Variants in IGFL2 observed in about 807,000 individuals in gnomAD.
IGFL2 encodes insulin growth factor-like family member 2.
Under a neutral mutation model 13.9 loss-of-function variants are expected in IGFL2, and 7 were observed. The observed-to-expected ratio is 0.51, with a 90% CI of 0.29 to 0.95. The LOEUF (loss-of-function observed/expected upper bound fraction) is 0.95. Among genes scored for constraint, IGFL2 ranks in the 40% least tolerant of loss-of-function variants. The probability of loss-of-function intolerance (pLI) is 0.08; values close to 1 mark genes in which losing one functional copy is unlikely to be tolerated. For synonymous variants in IGFL2, 55 were observed against 55.8 expected (o/e 0.99, Z 0.07); for missense variants, 138 against 147.8 (o/e 0.93, Z 0.34).
downstream of IGFL2, chr19:46,161,318 C>CTTT (rs71175262): frequency 1.2e-3 from 284 of 238,934 alleles, no homozygotes; most frequent in South Asian, 3.4e-3. Flanking sequence ...CGTCTCCTTT[C>CTTT]TTTTTTTTTT....
the IGFL2 span, among the ~76,000 whole-genome samples, chr19:46,091,464 A>G: frequency 2.6e-5 from 4 of 152,218 alleles, no homozygotes; most frequent in African/African-American, 7.2e-5. Context: ...AACTTTAATC[A>G]GTATACAAAT....
chr19:46,170,660 C>T, the IGFL2 span, among the ~76,000 whole-genome samples: 1 of 152,142 alleles, frequency 6.6e-6, no homozygotes. Context: ...TAATAATTAA[C>T]AGCCCTGGGA....
the IGFL2 span, chr19:46,181,442 C>T: frequency 6.6e-6 from 1 of 152,224 alleles, no homozygotes; most frequent in African/African-American, 2.4e-5. Context: ...TAAGTTGCTT[C>T]CTGCCCCAGA....
intron 1 of IGFL2, chr19:46,149,176 T>TC (rs1973317370): frequency 6.2e-6 from 4 of 647,240 alleles, no homozygotes; most frequent in South Asian, 5.3e-5. Context: ...TCTCTCTCTC[T>TC]TCTCTCTCTC....
At chr19:46,120,194 C>G in the IGFL2 span, 1 of 1,291,138 alleles carries the variant, frequency 7.7e-7, no homozygotes, top group East Asian at 2.8e-5. Flanking sequence ...AGCTGGGCTC[C>G]TCTCCAAAGC....
the IGFL2 span, among the ~76,000 whole-genome samples, chr19:46,185,863 G>T: frequency 6.6e-6 from 1 of 152,076 alleles, no homozygotes; most frequent in South Asian, 2.1e-4. Flanking sequence ...GCCTCCCAAG[G>T]TCATGTACAT....
At chr19:46,123,974 C>G in the IGFL2 span, 1 of 1,611,462 alleles carries the variant, frequency 6.2e-7, no homozygotes, top group South Asian at 1.1e-5. Context: ...TGCTGGGGGC[C>G]AAAAGACTCG....
At chr19:46,101,478 C>A in the IGFL2 span, among the ~76,000 whole-genome samples, 1 of 152,150 alleles carries the variant, frequency 6.6e-6, no homozygotes, top group Non-Finnish European at 1.5e-5. Context: ...GGTCAGGGTC[C>A]AGCCTAAAGA....
chr19:46,183,971 T>G, the IGFL2 span, among the ~76,000 whole-genome samples: 1 of 152,234 alleles, frequency 6.6e-6, no homozygotes, highest in African/African-American at 2.4e-5. Context: ...TTGCATCGGT[T>G]TTTGCCCCCA....
chr19:46,202,779 A>T, the IGFL2 span: 1 of 152,228 alleles, frequency 6.6e-6, no homozygotes, highest in Non-Finnish European at 1.5e-5. Flanking sequence ...GGGAGAGATT[A>T]AAGAGTGGAG....
At chr19:46,083,696 C>T in the IGFL2 span, among the ~76,000 whole-genome samples, 1 of 152,000 alleles carries the variant, frequency 6.6e-6, no homozygotes, top group East Asian at 1.9e-4. Context: ...ACAGAGAGGA[C>T]AGAAGAGTCA....
chr19:46,205,211 C>G, the IGFL2 span, among the ~76,000 whole-genome samples: 1 of 152,084 alleles, frequency 6.6e-6, no homozygotes, highest in Non-Finnish European at 1.5e-5. Flanking sequence ...AAGCACCCTC[C>G]AAATCATATA....
chr19:46,097,203 G>A, the IGFL2 span, among the ~76,000 whole-genome samples: 1 of 152,120 alleles, frequency 6.6e-6, no homozygotes, highest in South Asian at 2.1e-4. Flanking sequence ...ACTTGTTAGT[G>A]GTCTATACAG....
the IGFL2 span, among the ~76,000 whole-genome samples, chr19:46,135,200 T>C: frequency 5.6e-4 from 86 of 152,274 alleles, no homozygotes; most frequent in Non-Finnish European, 8.2e-4. Flanking sequence ...AAATGAATAT[T>C]GACTAACACT....
the IGFL2 span, among the ~76,000 whole-genome samples, chr19:46,166,639 T>C: frequency 0.037 from 5,617 of 152,242 alleles, 172 homozygotes; most frequent in East Asian, 0.071. Context: ...GGAGTTTATT[T>C]CATCTCTGCA....
In IGFL2 at chr19:46,160,850, C is replaced by T; in HGVS notation, c.310C>T (p.His104Tyr). ...GGTTCAGGGTGTGAATTCCCAGTGC[C>T]ACTCATCTCCCATCTCCAGTAAATG... ...LKVQGVNSQCHSSPISSKCES... is the reference protein window; with the variant it reads ...LKVQGVNSQCYSSPISSKCES... The change falls in exon 3 of 4, where the codon CAC (histidine) becomes TAC (tyrosine). Residue 104 changes from histidine (H) to tyrosine (Y), a missense_variant. Physicochemically the swap from His to Tyr is moderately conservative, Grantham distance 83. Coordinates refer to ENST00000377693, the MANE Select transcript of IGFL2 (RefSeq NM_001135113.2). 1.2e-6 allele frequency: 2 copies of T among 1,613,930 alleles called. No homozygotes were observed. The highest frequency in any genetic ancestry group is 1.6e-4 in the Middle Eastern group (1 of 6,062).
intron 1 of IGFL2, chr19:46,159,567 T>A (rs1974024831): frequency 6.6e-6 from 1 of 152,218 alleles, no homozygotes; most frequent in Admixed American, 6.5e-5. Flanking sequence ...CACCTGCCTG[T>A]ACATGCTTTC....
At chr19:46,123,919 C>G in the IGFL2 span, 1 of 1,611,244 alleles carries the variant, frequency 6.2e-7, no homozygotes, top group Non-Finnish European at 8.5e-7. Context: ...AGATAAGTGA[C>G]ACTGAGACTT....
At chr19:46,124,295 G>A in the IGFL2 span, 1 of 1,610,710 alleles carries the variant, frequency 6.2e-7, no homozygotes. Context: ...CACTGGAGGA[G>A]GAAGACTGTT....
Sources: allele counts gnomAD v4.1 joint callset (sites outside exome capture counted in the v4.1 genomes callset), GRCh38; gene constraint gnomAD v4.1.1; transcripts MANE v1.5; gene names NCBI Gene and HGNC (gene_info 2026-07-23, HGNC 2026-07-21).